The following SULT1A1 variants were observed in gnomAD, a reference collection of about 807,000 sequenced individuals.
SULT1A1 encodes the protein sulfotransferase family 1A member 1.
SULT1A1 carries 35 observed loss-of-function variants against 36.8 expected under a neutral mutation model. That is an observed-to-expected ratio of 0.95 (90% CI 0.73 to 1.26). SULT1A1 has a LOEUF of 1.26. Ranked by LOEUF, SULT1A1 falls within the 50% of genes most tolerant of loss-of-function variation. SULT1A1 has a pLI of 0.00. For synonymous variants in SULT1A1, 119 were observed against 146.0 expected, an observed-to-expected ratio of 0.82 and a Z score of 1.33; for missense variants, 309 against 383.0, an observed-to-expected ratio of 0.81 and a Z score of 1.61.
rs1596654744 is a variant in SULT1A1 at position 28,619,983 on chromosome 16, G to T, written c.138+80C>A. 98 of 927,852 alleles carry T rather than the reference G, an allele frequency of 1.1e-4. 1 individual carries two copies. In the South Asian group the frequency reaches 2.2e-3, roughly 21 times the overall value. The allele number at this position is 927,852 out of a possible 1,614,324, so 57.5% of individuals were successfully genotyped here. Reference sequence around the variant, plus strand: ...TACTGATTGTATATGTATATATATTGTATTGTATATTGTGTGTGTGTGTGT... The same window carrying T: ...TACTGATTGTATATGTATATATATTTTATTGTATATTGTGTGTGTGTGTGT... On this transcript the variant is annotated intron_variant, in intron 2 of 5. Coordinates refer to the SULT1A1 transcript ENST00000350842.
In SULT1A1 at chr16:28,605,815, C is replaced by A. The variant is rs1423192343; in HGVS notation, c.*6G>T. 2 of 1,609,638 alleles carry A rather than the reference C, an allele frequency of 1.2e-6. No individual in the cohort carries two copies. The highest frequency in any genetic ancestry group is 1.1e-5 in the South Asian group (1 of 90,876). On this transcript the variant is annotated 3_prime_UTR_variant, in exon 8 of 8. Transcript: ENST00000314752. ...ACTCCCTCTGCAGTGACTCCAGGAGCCCCTCTCACAGCTCAGAGCGGAAGC... is the reference window on the plus strand; with the variant it reads ...ACTCCCTCTGCAGTGACTCCAGGAGACCCTCTCACAGCTCAGAGCGGAAGC...
chr16:28,617,980 G>A (rs1223072856), intron 2 of SULT1A1, among the ~76,000 whole-genome samples: 3 of 151,340 alleles, frequency 2.0e-5, no homozygotes, highest in Non-Finnish European at 4.4e-5. Flanking sequence ...ATATTCCTGC[G>A]GTTTTGTTCA....
At chr16:28,623,366 G>T in exon 1 of SULT1A1, 1 of 1,484,150 alleles carries the variant, frequency 6.7e-7, no homozygotes, top group East Asian at 2.5e-5. Context: ...AGACGAGCGA[G>T]CTACGGCACG....
At chr16:28,616,039 AC>A in intron 2 of SULT1A1, among the ~76,000 whole-genome samples, 1 of 152,274 alleles carries the variant, frequency 6.6e-6, no homozygotes, top group East Asian at 1.9e-4. Flanking sequence ...CCGCCTGGTA[AC>A]GGGCATCTTC....
At chr16:28,609,678 A>G in intron 1 of SULT1A1, 3 of 401,642 alleles carry the variant, frequency 7.5e-6, no homozygotes, top group South Asian at 4.3e-5. Flanking sequence ...GAATCACTTG[A>G]GCCCAGGAAT....
chr16:28,623,271 G>T, exon 1 of SULT1A1: 1 of 1,543,744 alleles, frequency 6.5e-7, no homozygotes, highest in Non-Finnish European at 8.7e-7. Flanking sequence ...GGCGTGGAAG[G>T]TCACCACCAA....
At position 28,605,393 on chromosome 16, in the gene SULT1A1, G is replaced by C. The variant is rs1243166302; in HGVS notation, c.*428C>G. The C allele has an allele frequency of 1.0e-5, 3 of 286,132 alleles. No individual in the cohort carries two copies. The highest frequency in any genetic ancestry group is 2.0e-5 in the Non-Finnish European group (3 of 146,752). The allele number at this position is 286,132 out of a possible 1,614,324, so 17.7% of individuals were successfully genotyped here. The stretch of plus-strand genomic sequence containing the variant: ...TCAGGCGATCCTCCTGCCTTCACTT[G>C]TCAAGTAGCTGGGACTACAGGTGCC... On this transcript the variant is annotated 3_prime_UTR_variant, in exon 8 of 8. Transcript: ENST00000314752.
chr16:28,616,872 A>G (rs1429626093), intron 2 of SULT1A1, among the ~76,000 whole-genome samples: 1 of 152,148 alleles, frequency 6.6e-6, no homozygotes, highest in Non-Finnish European at 1.5e-5. Flanking sequence ...TGCTCAACAA[A>G]TACTCTGTGA....
chr16:28,610,264 G>GTTTTTTTTTTTTTTT (rs538720119), upstream of SULT1A1: 589 of 349,272 alleles, frequency 1.7e-3, 6 homozygotes, highest in South Asian at 4.7e-3. Flanking sequence ...TTTTTTTTCT[G>GTTTTTTTTTTTTTTT]TTTTTTTTTT....
intron 4 of SULT1A1, 157 bp downstream of exon 4, chr16:28,608,134 C>T (rs964686983): frequency 3.6e-6 from 4 of 1,109,348 alleles, no homozygotes; most frequent in African/African-American, 3.0e-5. Flanking sequence ...ATTACAGGCA[C>T]CCGCCACCAC....
rs775070320 is a variant in SULT1A1, at chr16:28,608,284, G to A, written c.372+7C>T. On this transcript the variant is annotated splice_region_variant and intron_variant, in intron 4 of 7. Transcript: ENST00000314752. ...TTATGGATGTGAAACACTGTGCCCT[G>A]CCTCACCTTGACCTTCTGATCCAAC... 1 of 1,612,060 alleles carries A rather than the reference G, an allele frequency of 6.2e-7. No individual in the cohort carries two copies. Among genetic ancestry groups the A allele is most frequent in the Non-Finnish European group, 8.5e-7 (1 of 1,178,426 alleles).
chr16:28,608,654 T>A (rs1183018854), intron 2 of SULT1A1, 51 bp from the exon 3 acceptor site: 1 of 1,611,166 alleles, frequency 6.2e-7, no homozygotes, highest in Non-Finnish European at 8.5e-7. Context: ...ACGACCTCGC[T>A]GGCCAAGGTG....
At chr16:28,622,967 T>G (rs2047684833) in intron 1 of SULT1A1, among the ~76,000 whole-genome samples, 1 of 152,036 alleles carries the variant, frequency 6.6e-6, no homozygotes, top group African/African-American at 2.4e-5. Flanking sequence ...GCCTTTGCCC[T>G]GGCCCTTCAG....
exon 1 of SULT1A1, chr16:28,623,334 T>C: frequency 6.6e-7 from 1 of 1,511,534 alleles, no homozygotes; most frequent in Non-Finnish European, 8.8e-7. Flanking sequence ...CTGCAGCCGT[T>C]GCTGCAGCAC....
At chr16:28,622,230 TG>T (rs35770634) in intron 1 of SULT1A1, among the ~76,000 whole-genome samples, 15,091 of 152,128 alleles carry the variant, frequency 0.099, 2,490 homozygotes, top group African/African-American at 0.34. Context: ...ATATGCCCAG[TG>T]TCTTCCTTTC....
chr16:28,616,041 G>A (rs1332516567), intron 2 of SULT1A1, among the ~76,000 whole-genome samples: 1 of 152,038 alleles, frequency 6.6e-6, no homozygotes, highest in Non-Finnish European at 1.5e-5. Flanking sequence ...GCCTGGTAAC[G>A]GGCATCTTCC....
At chr16:28,620,014 T>A (rs111242097) in intron 2 of SULT1A1, 2 of 1,508,764 alleles carry the variant, frequency 1.3e-6, no homozygotes, top group South Asian at 2.3e-5. Flanking sequence ...TGTGTGTGTA[T>A]ATACACACAC....
chr16:28,620,983 G>T (rs2047640964), intron 1 of SULT1A1, among the ~76,000 whole-genome samples: 1 of 151,996 alleles, frequency 6.6e-6, no homozygotes, highest in Non-Finnish European at 1.5e-5. Context: ...GGTGGCGCAT[G>T]CCTGTAATCC....
At chr16:28,610,264 GTTTTTTTTTTTTTTTTT>G, upstream of SULT1A1, 1 of 346,648 alleles carries the variant, frequency 2.9e-6, no homozygotes, top group Non-Finnish European at 4.3e-6. Context: ...TTTTTTTTCT[GTTTTTTTTTTTTTTTTT>G]TTTTTTTTTC....
Sources: allele counts gnomAD v4.1 joint callset (sites outside exome capture counted in the v4.1 genomes callset), GRCh38; gene constraint gnomAD v4.1.1; transcripts MANE v1.5; gene names NCBI Gene and HGNC (gene_info 2026-07-23, HGNC 2026-07-21).